The following SLC16A10 variants were observed in gnomAD, a reference collection of about 807,000 sequenced individuals.
SLC16A10 encodes monocarboxylate transporter 10.
A neutral mutation model predicts 40.0 loss-of-function variants in SLC16A10; 27 were observed. The ratio of observed to expected loss-of-function variants is 0.67; its 90% CI spans 0.50 to 0.93. The LOEUF (loss-of-function observed/expected upper bound fraction) is 0.93. Ranked by LOEUF, SLC16A10 falls within the 40% of genes least tolerant of loss-of-function variation. The pLI, the probability that SLC16A10 is intolerant of heterozygous loss-of-function variation, is 0.00. For missense variants in SLC16A10, 529 were observed against 658.2 expected (o/e 0.80, Z 2.15); for synonymous variants, 213 against 249.8 (o/e 0.85, Z 1.39).
chr6:111,189,217 TGATGGTAAGA>T (rs959506594), intron 3 of SLC16A10, among the ~76,000 whole-genome samples: 3 of 152,178 alleles, frequency 2.0e-5, no homozygotes, highest in African/African-American at 7.2e-5. Flanking sequence ...AGATGGAAGG[TGATGGTAAGA>T]GATGGTAAGA....
At chr6:111,215,977 C>G (rs1773415317) in intron 4 of SLC16A10, among the ~76,000 whole-genome samples, 1 of 152,218 alleles carries the variant, frequency 6.6e-6, no homozygotes, top group South Asian at 2.1e-4. Context: ...GCCTGGGCAA[C>G]AAAGTGAGAC....
At chr6:111,182,978 T>C (rs1772829035) in intron 3 of SLC16A10, among the ~76,000 whole-genome samples, 1 of 152,094 alleles carries the variant, frequency 6.6e-6, no homozygotes, top group African/African-American at 2.4e-5. Flanking sequence ...TCCTAACTGG[T>C]CTCTCTGTTC....
rs182179663 is a variant in SLC16A10, at chr6:111,102,807, A to G, written c.343+14712A>G. 7.9e-5 allele frequency among the ~76,000 whole-genome samples: 12 copies of G among 152,316 alleles called. No individual in the cohort carries two copies. The East Asian group carries it at 2.3e-3, about 29-fold the overall frequency. The stretch of plus-strand genomic sequence containing the variant: ...CCATATCTTAATCTCTTTCAGTGCT[A>G]TCACCTTGCATCAACCTCTGGACTC... On this transcript the variant is annotated intron_variant, in intron 1 of 5. Transcript: ENST00000368851.
At chr6:111,194,349 G>A (rs1021898709) in intron 3 of SLC16A10, among the ~76,000 whole-genome samples, 1 of 152,052 alleles carries the variant, frequency 6.6e-6, no homozygotes, top group Admixed American at 6.5e-5. Context: ...GACAAGGTGA[G>A]GTTTAAACCT....
At chr6:111,114,700 A>AG (rs1357848051) in intron 1 of SLC16A10, among the ~76,000 whole-genome samples, 6 of 152,102 alleles carry the variant, frequency 3.9e-5, no homozygotes, top group Non-Finnish European at 7.4e-5. Flanking sequence ...AGGGAAATGG[A>AG]GGGGGGAGGC....
intron 4 of SLC16A10, among the ~76,000 whole-genome samples, chr6:111,215,456 G>C (rs899417667): frequency 7.0e-6 from 1 of 143,380 alleles, no homozygotes; most frequent in Non-Finnish European, 1.5e-5. Context: ...GACCAAAATA[G>C]AAAAAAAATA....
intron 3 of SLC16A10, among the ~76,000 whole-genome samples, chr6:111,204,833 T>C (rs1465190977): frequency 6.6e-6 from 1 of 152,246 alleles, no homozygotes; most frequent in African/African-American, 2.4e-5. Flanking sequence ...GGTAGACCTA[T>C]ATGATAATAA....
intron 1 of SLC16A10, among the ~76,000 whole-genome samples, chr6:111,123,760 A>G (rs943823655): frequency 2.0e-5 from 3 of 152,156 alleles, no homozygotes; most frequent in African/African-American, 7.2e-5. Context: ...GTCTTCCGTA[A>G]TAGTAACTTC....
At chr6:111,213,610 C>T (rs563116323) in intron 4 of SLC16A10, among the ~76,000 whole-genome samples, 1 of 152,320 alleles carries the variant, frequency 6.6e-6, no homozygotes, top group East Asian at 1.9e-4. Context: ...ACTTCCCAGC[C>T]TAAGTAAATG....
intron 1 of SLC16A10, among the ~76,000 whole-genome samples, chr6:111,092,993 A>G (rs1247187670): frequency 6.7e-6 from 1 of 150,342 alleles, no homozygotes; most frequent in African/African-American, 2.5e-5. Flanking sequence ...GTGAGCCAAG[A>G]TGGCGCCACT....
chr6:111,145,547 G>A (rs1194435634), intron 1 of SLC16A10, among the ~76,000 whole-genome samples: 1 of 152,086 alleles, frequency 6.6e-6, no homozygotes, highest in Non-Finnish European at 1.5e-5. Context: ...AAAGAATGAA[G>A]TTAGATCCCC....
chr6:111,212,986 G>A (rs532268778), intron 4 of SLC16A10, among the ~76,000 whole-genome samples: 66 of 152,136 alleles, frequency 4.3e-4, no homozygotes, highest in Non-Finnish European at 8.1e-4. Flanking sequence ...TAATCTTATA[G>A]GCCTGTGTTT....
chr6:111,171,455 C>A (rs535397513), intron 1 of SLC16A10, among the ~76,000 whole-genome samples: 33 of 152,278 alleles, frequency 2.2e-4, no homozygotes, highest in African/African-American at 7.2e-4. Context: ...AGTTCAAGAC[C>A]AGCTTGAGTA....
chr6:111,202,767 A>G (rs570025910), intron 3 of SLC16A10, among the ~76,000 whole-genome samples: 2 of 151,470 alleles, frequency 1.3e-5, no homozygotes, highest in African/African-American at 4.8e-5. Context: ...GGCACCTGTA[A>G]TCCCAGCTAC....
intron 3 of SLC16A10, among the ~76,000 whole-genome samples, chr6:111,201,205 T>C (rs1438468170): frequency 2.6e-5 from 4 of 152,186 alleles, no homozygotes; most frequent in Non-Finnish European, 5.9e-5. Context: ...AGAATCAAAA[T>C]CATTATAAAC....
At chr6:111,141,098 T>C (rs1318437512) in intron 1 of SLC16A10, among the ~76,000 whole-genome samples, 2 of 152,208 alleles carry the variant, frequency 1.3e-5, no homozygotes, top group Non-Finnish European at 2.9e-5. Context: ...CCCAACATAA[T>C]TCAATTATTT....
intron 1 of SLC16A10, among the ~76,000 whole-genome samples, chr6:111,128,507 T>C (rs1422400299): frequency 1.3e-5 from 2 of 152,232 alleles, no homozygotes; most frequent in Non-Finnish European, 2.9e-5. Context: ...GAAGAAAGGC[T>C]GGCTGATCAA....
At chr6:111,221,675 A>G (rs548546797) in intron 5 of SLC16A10, among the ~76,000 whole-genome samples, 38 of 151,836 alleles carry the variant, frequency 2.5e-4, no homozygotes, top group African/African-American at 8.5e-4. Context: ...GAGCTTGGGA[A>G]GTCAAGGCCT....
chr6:111,159,202 A>G (rs1772328533), intron 1 of SLC16A10, among the ~76,000 whole-genome samples: 1 of 151,500 alleles, frequency 6.6e-6, no homozygotes, highest in Non-Finnish European at 1.5e-5. Flanking sequence ...CATTTGCTTT[A>G]ATTATTCCCA....
Sources: gnomAD v4.1 joint callset for allele counts (sites outside exome capture counted in the v4.1 genomes callset) on GRCh38, gnomAD v4.1.1 for gene constraint, MANE v1.5 for transcripts, NCBI Gene and HGNC (gene_info 2026-07-23, HGNC 2026-07-21) for gene names.